CLIC5: variants seen among roughly 807,000 people sequenced by gnomAD.
CLIC5 encodes the protein chloride intracellular channel protein 5.
In CLIC5, 20 loss-of-function variants were observed where a neutral mutation model predicts 24.7. The observed-to-expected ratio is 0.81, with a 90% confidence interval of 0.57 to 1.18. The LOEUF (loss-of-function observed/expected upper bound fraction) is 1.18. Among genes scored for constraint, CLIC5 ranks in the 50% most tolerant of loss-of-function variants. The probability of loss-of-function intolerance (pLI) is 0.00; values close to 1 mark genes in which losing one functional copy is unlikely to be tolerated. For synonymous variants in CLIC5, 159 were observed against 135.6 expected (o/e 1.17, Z -1.20); for missense variants, 341 against 326.1 (o/e 1.05, Z -0.35).
At chr6:45,880,893 GAAT>G (rs1481593847), downstream of CLIC5, 1 of 369,112 alleles carries the variant, frequency 2.7e-6, no homozygotes, top group African/African-American at 2.1e-5. Context: ...CAGAAAATCA[GAAT>G]AATAGCAGTG....
At chr6:46,100,920 G>A in the CLIC5 span, among the ~76,000 whole-genome samples, 13 of 152,246 alleles carry the variant, frequency 8.5e-5, no homozygotes, top group Non-Finnish European at 1.5e-4. Context: ...AAAAATGGGG[G>A]CTCAGAGCAT....
intron 5 of CLIC5, chr6:45,912,549 C>T (rs1762858298): frequency 7.2e-7 from 1 of 1,387,886 alleles, no homozygotes; most frequent in Non-Finnish European, 9.5e-7. Flanking sequence ...AGAAGGAATA[C>T]AATCCACTTC....
chr6:45,959,579 T>A (rs1764780207), intron 1 of CLIC5, among the ~76,000 whole-genome samples: 1 of 152,098 alleles, frequency 6.6e-6, no homozygotes, highest in African/African-American at 2.4e-5. Context: ...TGCTCTGTCA[T>A]CCAGGCTGGA....
At chr6:46,023,983 T>C (rs1344661444) in intron 1 of CLIC5, among the ~76,000 whole-genome samples, 1 of 152,054 alleles carries the variant, frequency 6.6e-6, no homozygotes, top group East Asian at 1.9e-4. Flanking sequence ...TCTTGCTAAT[T>C]GACCAGTAAT....
rs758208609 is a variant in CLIC5, at chr6:45,903,238, G to T, written c.606C>A (p.Tyr202Ter). The T allele has an allele frequency of 6.3e-7, 1 of 1,595,130 alleles. No homozygotes were observed. The highest frequency in any genetic ancestry group is 8.5e-7 in the Non-Finnish European group (1 of 1,171,490). ...TCTCAGCCGGGATATCATAGTTGCG[G>T]TATTTCTTGGCCACAATCTAAAACA... ...LHVVKIVAKK[Y>*]RNYDIPAEMT... Residue 202 changes from tyrosine (Y) to a stop codon, truncating the protein, a stop_gained, in exon 6 of 6, where the codon TAC becomes TAA. Transcript: ENST00000339561. LOFTEE classifies it high-confidence loss of function.
chr6:46,056,712 T>C (rs945652007), intron 1 of CLIC5, among the ~76,000 whole-genome samples: 3 of 152,298 alleles, frequency 2.0e-5, no homozygotes, highest in South Asian at 4.2e-4. Flanking sequence ...ACAATGTACA[T>C]GAAAGCCTTA....
intron 1 of CLIC5, among the ~76,000 whole-genome samples, chr6:45,958,343 C>T (rs1479434563): frequency 2.7e-5 from 4 of 149,522 alleles, no homozygotes; most frequent in Middle Eastern, 3.6e-3. Flanking sequence ...TGAGAGAATC[C>T]GTTTCTGCTG....
upstream of CLIC5, among the ~76,000 whole-genome samples, chr6:46,081,541 A>C (rs1762920127): frequency 6.6e-6 from 1 of 152,188 alleles, no homozygotes; most frequent in Non-Finnish European, 1.5e-5. Context: ...AAGAGGTCAG[A>C]GACTTCAAAG....
intron 1 of CLIC5, among the ~76,000 whole-genome samples, chr6:46,041,689 A>G (rs1341149646): frequency 6.6e-6 from 1 of 152,202 alleles, no homozygotes; most frequent in Non-Finnish European, 1.5e-5. Context: ...TTGTATACCT[A>G]AAGCCCCGAG....
At chr6:46,121,884 T>A in the CLIC5 span, among the ~76,000 whole-genome samples, 30 of 152,120 alleles carry the variant, frequency 2.0e-4, no homozygotes, top group Non-Finnish European at 3.1e-4. Flanking sequence ...GAGCTAACTA[T>A]CCTAAATATA....
intron 1 of CLIC5, among the ~76,000 whole-genome samples, chr6:45,972,518 C>T (rs1222580122): frequency 6.6e-6 from 1 of 152,130 alleles, no homozygotes; most frequent in African/African-American, 2.4e-5. Flanking sequence ...CAGAAAAGGC[C>T]CTAAGAGGGA....
chr6:46,036,484 G>A (rs959750381), intron 1 of CLIC5, among the ~76,000 whole-genome samples: 2 of 151,696 alleles, frequency 1.3e-5, no homozygotes, highest in Non-Finnish European at 2.9e-5. Context: ...CTAATTTTTT[G>A]TATTTTCAGT....
At chr6:46,031,341 C>G (rs1313822629) in intron 1 of CLIC5, among the ~76,000 whole-genome samples, 1 of 152,086 alleles carries the variant, frequency 6.6e-6, no homozygotes, top group Non-Finnish European at 1.5e-5. Flanking sequence ...TATATGAAAA[C>G]AACAAGGTGA....
intron 1 of CLIC5, among the ~76,000 whole-genome samples, chr6:45,963,909 A>G (rs548856653): frequency 1.3e-5 from 2 of 152,286 alleles, no homozygotes; most frequent in South Asian, 4.1e-4. Flanking sequence ...ACCTTCCAAT[A>G]ATCTAGTTGC....
chr6:45,956,010 T>G (rs1245251490), intron 1 of CLIC5, among the ~76,000 whole-genome samples: 3 of 152,160 alleles, frequency 2.0e-5, no homozygotes, highest in African/African-American at 7.2e-5. Flanking sequence ...CTTCTGTAGG[T>G]GGGCTTGGGG....
At chr6:46,056,801 C>A (rs1768272980) in intron 1 of CLIC5, among the ~76,000 whole-genome samples, 1 of 152,182 alleles carries the variant, frequency 6.6e-6, no homozygotes, top group Admixed American at 6.5e-5. Context: ...TCAATGAGAT[C>A]TCTGTATCTG....
intron 1 of CLIC5, among the ~76,000 whole-genome samples, chr6:46,002,240 ATT>A (rs34935571): frequency 0.06 from 8,340 of 138,470 alleles, 257 homozygotes; most frequent in Middle Eastern, 0.14. Context: ...ATAGTCTGTA[ATT>A]TTTTTTGTTG....
downstream of CLIC5, among the ~76,000 whole-genome samples, chr6:45,894,263 A>G (rs561885700): frequency 3.9e-5 from 6 of 152,348 alleles, no homozygotes; most frequent in African/African-American, 1.2e-4. Flanking sequence ...AGTTGGAACA[A>G]TCTGGAGGTA....
intron 1 of CLIC5, among the ~76,000 whole-genome samples, chr6:46,004,918 T>A (rs180989905): frequency 3.9e-5 from 6 of 152,308 alleles, no homozygotes. Context: ...CTAAAGACAC[T>A]GCTGTCTCTA....
Sources: allele counts gnomAD v4.1 joint callset (sites outside exome capture counted in the v4.1 genomes callset), GRCh38; gene constraint gnomAD v4.1.1; transcripts MANE v1.5; gene names NCBI Gene and HGNC (gene_info 2026-07-23, HGNC 2026-07-21).